Variants in SORL1 observed in about 807,000 individuals in gnomAD.
SORL1 encodes sortilin-related receptor.
Under a neutral mutation model 273.7 loss-of-function variants are expected in SORL1, and 127 were observed. The ratio of observed to expected loss-of-function variants is 0.46; its 90% CI spans 0.40 to 0.54. The LOEUF is 0.54. SORL1 is among the 20% of genes least tolerant of loss of function. The pLI is 0.00. For missense variants in SORL1, 2,494 were observed against 2,846.1 expected (o/e 0.88, Z 2.81); for synonymous variants, 1,031 against 1,067.4 (o/e 0.97, Z 0.66).
In SORL1 at chr11:121,604,334, G is replaced by GTGA; in HGVS notation, c.4651+10_4651+11insTGA. The GTGA allele has an allele frequency of 1.9e-6, 3 of 1,612,602 alleles. No individual in the cohort carries two copies. Among genetic ancestry groups the GTGA allele is most frequent in the Non-Finnish European group, 2.5e-6 (3 of 1,179,688 alleles). The stretch of plus-strand genomic sequence containing the variant: ...GAAAAGGCCTGCAGTGGTGAGTGCC[G>GTGA]GTCCACGGGCTGGGCTGGGCTGGGC... On this transcript the variant is annotated intron_variant, in intron 33 of 47. Transcript: ENST00000260197.
Position 121,531,705 on chromosome 11 carries a change from GTC to G in SORL1, c.1597-757_1597-756del, listed in dbSNP as rs1862204443. Among the ~76,000 whole-genome samples the G allele has an allele frequency of 2.0e-5, 3 of 152,168 alleles. No homozygotes were observed. The South Asian group carries it at 6.2e-4, about 31-fold the overall frequency. On this transcript the variant is annotated intron_variant, in intron 11 of 47. Coordinates refer to ENST00000260197, the MANE Select transcript of SORL1 (RefSeq NM_003105.6). ...CTAAGCCTTTGTTACACTGGTTTGT[GTC>G]TGTTTCATGCACGTACACTTCAGGG...
At chr11:121,594,935 C>T (rs958230764) in intron 31 of SORL1, among the ~76,000 whole-genome samples, 1 of 152,272 alleles carries the variant, frequency 6.6e-6, no homozygotes, top group Non-Finnish European at 1.5e-5. Flanking sequence ...AGATCTCCTG[C>T]CTAGACAATA....
At chr11:121,570,303 C>A (rs1157224378) in intron 23 of SORL1, 33 bp downstream of exon 23, 4 of 1,526,428 alleles carry the variant, frequency 2.6e-6, no homozygotes, top group Non-Finnish European at 3.6e-6. Context: ...TAAGCACTTA[C>A]CATTACTCAG....
intron 25 of SORL1, among the ~76,000 whole-genome samples, chr11:121,580,666 G>A (rs1200864085): frequency 3.5e-4 from 52 of 146,854 alleles, no homozygotes; most frequent in African/African-American, 1.2e-3. Flanking sequence ...GGGTAGTGGC[G>A]CGATGACAGC....
In SORL1 at chr11:121,614,964, C is replaced by G. The variant is rs752620634; in HGVS notation, c.5513C>G (p.Thr1838Ser). 1 of 1,613,782 alleles carries G rather than the reference C, an allele frequency of 6.2e-7. No homozygotes were observed. The highest frequency in any genetic ancestry group is 8.5e-7 in the Non-Finnish European group (1 of 1,179,864). Residue 1838 changes from threonine to serine, a missense_variant, in exon 41 of 48, where the codon ACC (threonine) becomes AGC (serine). This residue lies in a region of SORL1 where 1,609 missense variants were observed against 1,816.4 expected (regional missense o/e 0.89). Transcript: ENST00000260197. ...CCTCTGGCATTTGAGCATGTTATGA[C>G]CAGAGGGGTTCGCCCACCTGCACCT... ...DSPLAFEHVMTRGVRPPAPSL... is the reference protein window; with the variant it reads ...DSPLAFEHVMSRGVRPPAPSL...
intron 12 of SORL1, among the ~76,000 whole-genome samples, chr11:121,532,974 G>A (rs1245942072): frequency 6.6e-6 from 1 of 152,044 alleles, no homozygotes; most frequent in African/African-American, 2.4e-5. Flanking sequence ...GTGAGCCACT[G>A]TGCCCACCCC....
At chr11:121,601,379 C>T (rs1289461169) in intron 32 of SORL1, among the ~76,000 whole-genome samples, 2 of 148,164 alleles carry the variant, frequency 1.3e-5, no homozygotes, top group East Asian at 3.9e-4. Flanking sequence ...GTCTTTATAG[C>T]AGCATGATTT....
At position 121,558,982 on chromosome 11, in the gene SORL1, C is replaced by T. The variant is rs1165467561; in HGVS notation, c.2910+145C>T. On this transcript the variant is annotated intron_variant, in intron 20 of 47. Coordinates refer to ENST00000260197, the MANE Select transcript of SORL1 (RefSeq NM_003105.6). ...TTCCAAATTTGAGATAACTTATTTT[C>T]AGCCTATGGAGGGATGCCAGGCAGA... 4.6e-6 allele frequency: 5 copies of T among 1,083,442 alleles called. No homozygotes were observed. The East Asian group carries it at 1.3e-4, about 28-fold the overall frequency. The allele number at this position is 1,083,442 out of a possible 1,614,324, so 67.1% of individuals were successfully genotyped here. A position where few individuals can be genotyped will look rare whatever the true frequency, so the allele number is the denominator to read the frequency against.
intron 25 of SORL1, among the ~76,000 whole-genome samples, chr11:121,578,018 G>C (rs751303217): frequency 3.4e-4 from 51 of 152,150 alleles, no homozygotes; most frequent in Middle Eastern, 3.2e-3. Flanking sequence ...AAGGAGTTGA[G>C]AAGCTTGTGG....
chr11:121,520,075 A>T (rs1862016848), intron 8 of SORL1, among the ~76,000 whole-genome samples: 1 of 152,068 alleles, frequency 6.6e-6, no homozygotes, highest in African/African-American at 2.4e-5. Context: ...ACATGGCGAA[A>T]CCCCATCTCT....
At chr11:121,573,033 C>G (rs1467481362) in intron 23 of SORL1, among the ~76,000 whole-genome samples, 1 of 152,184 alleles carries the variant, frequency 6.6e-6, no homozygotes, top group Non-Finnish European at 1.5e-5. Context: ...AGCCTGCCTT[C>G]CCCTCGCCTT....
intron 32 of SORL1, 60 bp from the exon 33 acceptor site, chr11:121,604,133 C>G: frequency 1.3e-6 from 2 of 1,587,550 alleles, no homozygotes; most frequent in African/African-American, 1.3e-5. Context: ...AAACTTGGGC[C>G]CAGCCTTTAG....
chr11:121,462,435 C>T (rs1237361848), intron 1 of SORL1, among the ~76,000 whole-genome samples: 1 of 152,118 alleles, frequency 6.6e-6, no homozygotes, highest in African/African-American at 2.4e-5. Flanking sequence ...GTCAGGTCTT[C>T]AGTGAAGCCT....
chr11:121,603,170 G>A (rs1286527985), intron 32 of SORL1, among the ~76,000 whole-genome samples: 1 of 152,210 alleles, frequency 6.6e-6, no homozygotes, highest in Non-Finnish European at 1.5e-5. Context: ...GTTACATAAG[G>A]TAACATATTA....
intron 2 of SORL1, among the ~76,000 whole-genome samples, chr11:121,474,400 TAGAAC>T (rs1407563754): frequency 1.3e-5 from 2 of 152,226 alleles, no homozygotes; most frequent in Non-Finnish European, 2.9e-5. Context: ...GTAAAGTACT[TAGAAC>T]AGTGCCAGAT....
At chr11:121,464,367 C>T (rs113690083) in intron 1 of SORL1, among the ~76,000 whole-genome samples, 1 of 152,154 alleles carries the variant, frequency 6.6e-6, no homozygotes, top group Admixed American at 6.6e-5. Context: ...CCCTAATTCC[C>T]CCAGAAGTGC....
At position 121,514,216 on chromosome 11, in the gene SORL1, G is replaced by A. The variant is rs772660461; in HGVS notation, c.1106G>A (p.Arg369His). Reference sequence around the variant, plus strand: ...GTGTGTGTCAGCCACAGTAACAACCGCACCAATTTATACATCTCAGAGGCA... The same window carrying A: ...GTGTGTGTCAGCCACAGTAACAACCACACCAATTTATACATCTCAGAGGCA... ...VFVCVSHSNN[R>H]TNLYISEAEG... Residue 369 changes from arginine (R) to histidine (H), a missense_variant, in exon 8 of 48, where the codon CGC becomes CAC. Coordinates refer to ENST00000260197, the MANE Select transcript of SORL1 (RefSeq NM_003105.6). 4.7e-5 allele frequency: 76 copies of A among 1,614,016 alleles called. No homozygotes were observed. The highest frequency in any genetic ancestry group is 3.4e-4 in the South Asian group (31 of 91,078).
chr11:121,614,542 G>T (rs999259746), intron 40 of SORL1: 7 of 232,696 alleles, frequency 3.0e-5, no homozygotes, highest in Non-Finnish European at 5.8e-5. Context: ...GTCTTTCTCT[G>T]ACTTCATGGG....
chr11:121,574,343 A>G lies in SORL1; in HGVS notation c.3440A>G (p.Asn1147Ser). The G allele has an allele frequency of 6.2e-7, 1 of 1,613,584 alleles. No homozygotes were observed. The change falls in exon 24 of 48, where the codon AAC becomes AGC. Residue 1147 changes from asparagine (N) to serine (S), a missense_variant. By Grantham distance (46) the Asn-to-Ser change is conservative. This residue lies in a region of SORL1 where 1,609 missense variants were observed against 1,816.4 expected (regional missense o/e 0.89). Transcript: ENST00000260197. ...GACCTTGAGGATGACTGTGGAGACA[A>G]CAGTGATGAAAGTCATTGTGGTAAG... ...KCDLEDDCGD[N>S]SDESHCEMHQ...
Sources: gnomAD v4.1 joint callset for allele counts (sites outside exome capture counted in the v4.1 genomes callset) on GRCh38, gnomAD v4.1.1 for gene constraint, gnomAD v4.1.1 regional missense constraint, MANE v1.5 for transcripts, NCBI Gene and HGNC (gene_info 2026-07-23, HGNC 2026-07-21) for gene names.